Variants in DPP3 observed in about 807,000 individuals in gnomAD.
DPP3 encodes dipeptidyl peptidase 3.
A neutral mutation model predicts 89.8 loss-of-function variants in DPP3; 64 were observed. The observed-to-expected ratio is 0.71, with a 90% confidence interval of 0.58 to 0.88. The LOEUF is 0.88. Among genes scored for constraint, DPP3 ranks in the 40% least tolerant of loss-of-function variants. DPP3 has a pLI of 0.00. For missense variants in DPP3, 835 were observed against 972.5 expected (o/e 0.86, Z 1.88); for synonymous variants, 377 against 404.3 (o/e 0.93, Z 0.81).
chr11:66,501,816 CTT>C (rs1325723540), intron 16 of DPP3, among the ~76,000 whole-genome samples: 1 of 134,454 alleles, frequency 7.4e-6, no homozygotes, highest in Non-Finnish European at 1.6e-5. Context: ...TAGACTGAGA[CTT>C]TGTCTCCAAA....
rs145548287 is a variant in DPP3, at chr11:66,509,156, G to A, written c.2119G>A (p.Asp707Asn). 5.4e-5 allele frequency: 87 copies of A among 1,614,078 alleles called. No individual in the cohort carries two copies. The highest frequency in any genetic ancestry group is 1.6e-4 in the Middle Eastern group (1 of 6,084). The change falls in exon 18 of 18, where the codon GAT becomes AAT. Residue 707 changes from aspartate (D) to asparagine (N), a missense_variant. Physicochemically the swap from Asp to Asn is conservative, Grantham distance 23. Coordinates refer to ENST00000531863, the MANE Select transcript of DPP3 (RefSeq NM_130443.4). ...ATCCTTCTCTGAGCGTTTCCCAGAG[G>A]ATGGACCCGAGTTGGAGGAGATCCT... The part of the protein sequence containing the change: ...IRSFSERFPE[D>N]GPELEEILTQ...
chr11:66,504,568 C>A (rs776149436), intron 16 of DPP3, 44 bp from the exon 17 acceptor site: 1 of 1,560,648 alleles, frequency 6.4e-7, no homozygotes, highest in Non-Finnish European at 8.7e-7. Context: ...CTGTGGACAC[C>A]GGGTAACTGC....
chr11:66,507,968 C>T (rs1309859697), intron 17 of DPP3, among the ~76,000 whole-genome samples: 1 of 152,202 alleles, frequency 6.6e-6, no homozygotes, highest in African/African-American at 2.4e-5. Context: ...TGAGCCACCA[C>T]ACCCAGCCAG....
chr11:66,485,922 CTTT>C (rs1308253043), intron 3 of DPP3, among the ~76,000 whole-genome samples: 3 of 122,866 alleles, frequency 2.4e-5, no homozygotes, highest in Non-Finnish European at 4.7e-5. Flanking sequence ...ATTTTCTTTT[CTTT>C]TCTTTTCTTT....
At chr11:66,491,197 CTGAG>C (rs746949206) in intron 6 of DPP3, 52 bp from the exon 7 acceptor site, 27 of 1,605,636 alleles carry the variant, frequency 1.7e-5, no homozygotes, top group Non-Finnish European at 2.3e-5. Context: ...GGCCTTTTCT[CTGAG>C]TGAGGCCTCT....
intron 16 of DPP3, among the ~76,000 whole-genome samples, chr11:66,501,111 C>T (rs1353923466): frequency 6.6e-6 from 1 of 151,632 alleles, no homozygotes; most frequent in Non-Finnish European, 1.5e-5. Context: ...TCGCTTGAAC[C>T]AGGAGGTGGA....
At chr11:66,488,650 C>T (rs1384178839) in intron 6 of DPP3, among the ~76,000 whole-genome samples, 1 of 151,748 alleles carries the variant, frequency 6.6e-6, no homozygotes, top group African/African-American at 2.4e-5. Context: ...GTGGTATTCT[C>T]AAGGGGAAAT....
At chr11:66,496,965 G>A (rs1413993754) in intron 15 of DPP3, among the ~76,000 whole-genome samples, 1 of 152,174 alleles carries the variant, frequency 6.6e-6, no homozygotes, top group Non-Finnish European at 1.5e-5. Flanking sequence ...CCCTGGAGGG[G>A]GTAGCTGCTG....
At chr11:66,503,747 C>T (rs1855733931) in intron 16 of DPP3, among the ~76,000 whole-genome samples, 1 of 152,058 alleles carries the variant, frequency 6.6e-6, no homozygotes, top group African/African-American at 2.4e-5. Context: ...TTTAGCCGGG[C>T]GTGGTGGCAC....
chr11:66,488,428 G>A (rs1290327867), intron 6 of DPP3, among the ~76,000 whole-genome samples: 2 of 152,204 alleles, frequency 1.3e-5, no homozygotes, highest in African/African-American at 2.4e-5. Flanking sequence ...CGGGCGTGGT[G>A]GCGTGTGCCT....
intron 2 of DPP3, among the ~76,000 whole-genome samples, 200 bp from the exon 3 acceptor site, chr11:66,484,973 C>A (rs1233195741): frequency 1.3e-5 from 2 of 152,082 alleles, no homozygotes; most frequent in African/African-American, 4.8e-5. Flanking sequence ...ATCAGTTAGG[C>A]CAGACAACGG....
At position 66,497,341 on chromosome 11, in the gene DPP3, A is replaced by C. The variant is rs1212009619; in HGVS notation, c.1742A>C (p.Glu581Ala). ...TTTGTGATCCTGAGAGTCTTGCTGG[A>C]GGCTGGCGAGGGACTCGTTACCATC... ...ARFVILRVLL[E>A]AGEGLVTITP... is the part of the protein sequence containing the mutation. Residue 581 changes from glutamate to alanine, a missense_variant, in exon 16 of 18, where the codon GAG becomes GCG. Transcript: ENST00000531863. 1.9e-6 allele frequency: 3 copies of C among 1,613,976 alleles called. No homozygotes were observed. Among genetic ancestry groups the C allele is most frequent in the Non-Finnish European group, 1.7e-6 (2 of 1,179,966 alleles).
intron 1 of DPP3, among the ~76,000 whole-genome samples, chr11:66,481,850 G>A (rs907857100): frequency 6.6e-6 from 1 of 152,126 alleles, no homozygotes; most frequent in Non-Finnish European, 1.5e-5. Context: ...GTTTCACCAT[G>A]TTGGTCAGGC....
chr11:66,499,024 A>G (rs1486865445), intron 16 of DPP3, among the ~76,000 whole-genome samples: 1 of 152,020 alleles, frequency 6.6e-6, no homozygotes. Context: ...AAGAAAAAGA[A>G]AAGATAACAT....
Position 66,502,069 on chromosome 11 carries a change from T to C in DPP3, c.1879-2543T>C, listed in dbSNP as rs544384581. Among the ~76,000 whole-genome samples, 55 of 151,992 alleles carry C rather than the reference T, an allele frequency of 3.6e-4. 1 individual carries two copies. The highest frequency in any genetic ancestry group is 7.2e-4 in the Non-Finnish European group (49 of 67,986). On this transcript the variant is annotated intron_variant, in intron 16 of 17. Coordinates refer to ENST00000531863, the MANE Select transcript of DPP3 (RefSeq NM_130443.4). ...TTAGCTGGGCGTGGTGGTGCACACC[T>C]GTAGTCCCAGCTACTCAGGAGGCTG... is the stretch of plus-strand genomic sequence containing the variant.
intron 16 of DPP3, among the ~76,000 whole-genome samples, chr11:66,501,825 C>CAAAAAAAAAAAAAAAAAA (rs35196491): frequency 8.3e-5 from 7 of 84,428 alleles, no homozygotes; most frequent in African/African-American, 2.8e-4. Flanking sequence ...ACTTTGTCTC[C>CAAAAAAAAAAAAAAAAAA]AAAAAAAAAA....
chr11:66,482,296 C>CT lies in DPP3; in HGVS notation c.97dup (p.Tyr33LeufsTer23). On this transcript the variant is annotated frameshift_variant, in exon 2 of 18. Coordinates refer to ENST00000531863, the MANE Select transcript of DPP3 (RefSeq NM_130443.4). LOFTEE classifies it high-confidence loss of function. ...GCCTGCTGTCACCCACAGAGCGCCT[C>CT]TATGCCTACCACCTGTCCCGTGCCG... 6.2e-7 allele frequency: 1 copy of CT among 1,614,176 alleles called. No homozygotes were observed. The highest frequency in any genetic ancestry group is 8.5e-7 in the Non-Finnish European group (1 of 1,180,052).
intron 12 of DPP3, 140 bp downstream of exon 12, chr11:66,493,773 G>A: frequency 1.2e-6 from 1 of 854,988 alleles, no homozygotes; most frequent in South Asian, 1.8e-5. Context: ...CTTAGGCAGA[G>A]AAGACCCTGT....
chr11:66,498,485 TC>T (rs904809052), intron 16 of DPP3, among the ~76,000 whole-genome samples: 1 of 152,162 alleles, frequency 6.6e-6, no homozygotes, highest in African/African-American at 2.4e-5. Flanking sequence ...CGCCTTGACC[TC>T]CCAAAGTGCT....
Sources: gnomAD v4.1 joint callset for allele counts (sites outside exome capture counted in the v4.1 genomes callset) on GRCh38, gnomAD v4.1.1 for gene constraint, MANE v1.5 for transcripts, NCBI Gene and HGNC (gene_info 2026-07-23, HGNC 2026-07-21) for gene names.